The following ZNF516 variants were observed in gnomAD, a reference collection of about 807,000 sequenced individuals.
ZNF516 encodes the protein zinc finger protein 516.
A neutral mutation model predicts 79.7 loss-of-function variants in ZNF516; 19 were observed. That is an observed-to-expected ratio of 0.24 (90% CI 0.17 to 0.35). ZNF516 has a LOEUF of 0.35. ZNF516 is among the 10% of genes least tolerant of loss of function. ZNF516 has a pLI of 1.00. For synonymous variants in ZNF516, 877 were observed against 739.5 expected (o/e 1.19, Z -3.02); for missense variants, 1,678 against 1,679.5 (o/e 1.00, Z 0.02).
Position 76,451,286 on chromosome 18 carries a change from G to A in ZNF516, c.-157-8075C>T, listed in dbSNP as rs915385529. On this transcript the variant is annotated intron_variant, in intron 2 of 6. Transcript: ENST00000443185. This position sits in a 1 kb window ranked among gnomAD's most constrained non-coding sequence, Gnocchi z 6.0. ...TGTGGCTTTACTTATCCCCGTCTGCGTCCTCTCTGACCACCTTCCGGGGGC... is the reference window on the plus strand; with the variant it reads ...TGTGGCTTTACTTATCCCCGTCTGCATCCTCTCTGACCACCTTCCGGGGGC... 1.2e-4 allele frequency among the ~76,000 whole-genome samples: 19 copies of A among 152,150 alleles called. No individual in the cohort carries two copies. Among genetic ancestry groups the A allele is most frequent in the Admixed American group, 9.2e-4 (14 of 15,274 alleles).
chr18:76,469,484 T>C (rs1913699783), intron 1 of ZNF516, among the ~76,000 whole-genome samples: 2 of 152,190 alleles, frequency 1.3e-5, no homozygotes, highest in African/African-American at 4.8e-5. Flanking sequence ...TAATAATAGT[T>C]TCCACTACTG....
chr18:76,492,571 C>G, intron 1 of ZNF516: 1 of 376,020 alleles, frequency 2.7e-6, no homozygotes, highest in Non-Finnish European at 3.7e-6. Flanking sequence ...CTACGGAGTT[C>G]ACATCAGTTT....
intron 1 of ZNF516, among the ~76,000 whole-genome samples, chr18:76,494,520 G>A (rs1915401421): frequency 7.2e-6 from 1 of 139,040 alleles, no homozygotes; most frequent in Admixed American, 8.1e-5. Flanking sequence ...GGGTCACTTA[G>A]AAGCTCCCAG....
intron 3 of ZNF516, among the ~76,000 whole-genome samples, chr18:76,405,207 C>T (rs796904468): frequency 6.6e-6 from 1 of 152,140 alleles, no homozygotes; most frequent in Non-Finnish European, 1.5e-5. Context: ...AAGGGCCCCC[C>T]GAACTGTGCA....
chr18:76,417,090 T>C (rs1205527480), intron 3 of ZNF516, among the ~76,000 whole-genome samples: 5 of 152,218 alleles, frequency 3.3e-5, no homozygotes, highest in African/African-American at 1.2e-4. Context: ...AACCATTTGA[T>C]GGTTGCTGTG....
chr18:76,478,265 G>A (rs1016286607), intron 1 of ZNF516, among the ~76,000 whole-genome samples: 3 of 152,152 alleles, frequency 2.0e-5, no homozygotes, highest in African/African-American at 4.8e-5. Flanking sequence ...TCAACAGGAA[G>A]GGCATTTGTT....
intron 1 of ZNF516, chr18:76,491,045 G>A: frequency 1.0e-6 from 1 of 985,314 alleles, no homozygotes; most frequent in East Asian, 1.1e-4. Context: ...TCCGCTCGCG[G>A]GCGCAGGACC....
chr18:76,412,513 C>T (rs1039385047), intron 3 of ZNF516, among the ~76,000 whole-genome samples: 28 of 152,176 alleles, frequency 1.8e-4, no homozygotes, highest in Non-Finnish European at 5.9e-5. Flanking sequence ...CTCTACGAAC[C>T]CACCTGGCGA....
At chr18:76,492,243 C>T in intron 1 of ZNF516, 1 of 985,434 alleles carries the variant, frequency 1.0e-6, no homozygotes, top group Non-Finnish European at 1.2e-6. Context: ...AGATGCTGCT[C>T]GGCTCAGGTC....
In ZNF516 at chr18:76,380,354, C is replaced by T. The variant is rs1439634297; in HGVS notation, c.1811-51G>A. On this transcript the variant is annotated intron_variant, in intron 3 of 6. Transcript: ENST00000443185. ...GAAGTTACCATTTCTCATCAGAACA[C>T]AGCAAGACACACGGTGCGTACAGCT... The T allele has an allele frequency of 5.7e-6, 9 of 1,583,706 alleles. No individual in the cohort carries two copies. The African/African-American group carries it at 1.1e-4, about 19-fold the overall frequency.
intron 6 of ZNF516, among the ~76,000 whole-genome samples, chr18:76,369,980 T>C (rs2074676457): frequency 6.6e-6 from 1 of 152,130 alleles, no homozygotes; most frequent in Admixed American, 6.5e-5. Context: ...ACTCAGTGTG[T>C]ACTGAGTCAT....
At chr18:76,432,587 G>C (rs1354453721) in intron 3 of ZNF516, among the ~76,000 whole-genome samples, 1 of 152,230 alleles carries the variant, frequency 6.6e-6, no homozygotes, top group Non-Finnish European at 1.5e-5. Context: ...AGCAGCCCCA[G>C]ATGGGACTCC....
chr18:76,472,403 T>C (rs1362183948), intron 1 of ZNF516, among the ~76,000 whole-genome samples: 3 of 152,070 alleles, frequency 2.0e-5, no homozygotes, highest in African/African-American at 7.2e-5. Flanking sequence ...ACGGGCACAC[T>C]TGCAAACGTG....
At chr18:76,362,601 C>T in intron 6 of ZNF516, 44 bp from the exon 7 acceptor site, 1 of 1,562,148 alleles carries the variant, frequency 6.4e-7, no homozygotes, top group Non-Finnish European at 8.8e-7. Context: ...CTCATTTCTG[C>T]CTTTTGGTTT....
At chr18:76,375,234 T>G (rs1034948779) in intron 4 of ZNF516, among the ~76,000 whole-genome samples, 1 of 151,916 alleles carries the variant, frequency 6.6e-6, no homozygotes, top group African/African-American at 2.4e-5. Context: ...AACATTCAAG[T>G]AAGGAGAAAG....
At chr18:76,447,795 C>CA (rs773035985) in intron 2 of ZNF516, among the ~76,000 whole-genome samples, 1 of 152,168 alleles carries the variant, frequency 6.6e-6, no homozygotes, top group Non-Finnish European at 1.5e-5. Context: ...ACATGCCAGA[C>CA]AAAACCGTAA....
chr18:76,431,875 T>G (rs143507938), intron 3 of ZNF516, among the ~76,000 whole-genome samples: 1 of 152,172 alleles, frequency 6.6e-6, no homozygotes, highest in Non-Finnish European at 1.5e-5. Flanking sequence ...CGGGTATTCC[T>G]TTACAGAAAC....
intron 2 of ZNF516, among the ~76,000 whole-genome samples, chr18:76,460,940 T>C (rs1161189943): frequency 6.6e-6 from 1 of 152,150 alleles, no homozygotes; most frequent in Non-Finnish European, 1.5e-5. Context: ...CCCAGGACTT[T>C]AGGAACCCGA....
Position 76,441,583 on chromosome 18 carries a change from C to A in ZNF516, c.1472G>T (p.Gly491Val). The A allele has an allele frequency of 7.0e-7, 1 of 1,436,868 alleles. No homozygotes were observed. Among genetic ancestry groups the A allele is most frequent in the Non-Finnish European group, 9.1e-7 (1 of 1,099,218 alleles). The allele number at this position is 1,436,868 out of a possible 1,614,324, so 89.0% of individuals were successfully genotyped here. ...ASGPGDPAPA[G>V]HLDPRSAARP... ...CGCGGCCGAGCGGGGATCGAGGTGG[C>A]CGGCGGGCGCGGGGTCCCCAGGCCC... The change falls in exon 3 of 7, where the codon GGC (glycine) becomes GTC (valine). Residue 491 changes from glycine (G) to valine (V), a missense_variant. By Grantham distance (109) the Gly-to-Val change is moderately radical. This residue lies in a region of ZNF516 where 1,294 missense variants were observed against 1,248.3 expected (regional missense o/e 1.04). Coordinates refer to ENST00000443185, the MANE Select transcript of ZNF516 (RefSeq NM_014643.4).
Sources: gnomAD v4.1 joint callset for allele counts (sites outside exome capture counted in the v4.1 genomes callset) on GRCh38, gnomAD v4.1.1 for gene constraint, gnomAD v4.1.1 regional missense constraint, Gnocchi (gnomAD v3.1) non-coding constraint, MANE v1.5 for transcripts, NCBI Gene and HGNC (gene_info 2026-07-23, HGNC 2026-07-21) for gene names.